Variants in CPLX2 observed in about 807,000 individuals in gnomAD.
CPLX2 encodes complexin-2.
CPLX2 carries 5 observed loss-of-function variants against 16.3 expected under a neutral mutation model. The ratio of observed to expected loss-of-function variants is 0.31; its 90% confidence interval spans 0.16 to 0.64. The LOEUF (loss-of-function observed/expected upper bound fraction) is 0.64. CPLX2 is among the 30% of genes least tolerant of loss of function. CPLX2 has a pLI of 0.79. For synonymous variants in CPLX2, 89 were observed against 73.2 expected (o/e 1.22, Z -1.10); for missense variants, 144 against 181.4 (o/e 0.79, Z 1.18).
chr5:175,822,393 C>G (rs1282176800), intron 2 of CPLX2, among the ~76,000 whole-genome samples: 2 of 152,180 alleles, frequency 1.3e-5, no homozygotes, highest in African/African-American at 4.8e-5. Context: ...ACTCTCTAAG[C>G]CTTCATTTCA....
chr5:175,820,787 T>C (rs1758492116), intron 2 of CPLX2, among the ~76,000 whole-genome samples: 1 of 152,164 alleles, frequency 6.6e-6, no homozygotes, highest in Non-Finnish European at 1.5e-5. Flanking sequence ...CTCCCTCCCT[T>C]CATGGAGTTT....
intron 2 of CPLX2, among the ~76,000 whole-genome samples, chr5:175,825,557 T>C (rs957554455): frequency 6.6e-6 from 1 of 152,162 alleles, no homozygotes; most frequent in African/African-American, 2.4e-5. Flanking sequence ...TGGGTTGTAG[T>C]TCAGGAAAAC....
intron 2 of CPLX2, among the ~76,000 whole-genome samples, chr5:175,847,670 A>C (rs1207180459): frequency 6.6e-6 from 1 of 151,874 alleles, no homozygotes; most frequent in African/African-American, 2.4e-5. Flanking sequence ...AGACTCAACA[A>C]CTCCTGCAGG....
chr5:175,799,995 A>T (rs1758063038), intron 1 of CPLX2, among the ~76,000 whole-genome samples: 1 of 152,000 alleles, frequency 6.6e-6, no homozygotes, highest in Non-Finnish European at 1.5e-5. Flanking sequence ...GCTTTTCTTA[A>T]CCAGATGCAT....
At chr5:175,848,057 C>A (rs763414094) in intron 2 of CPLX2, among the ~76,000 whole-genome samples, 1 of 152,216 alleles carries the variant, frequency 6.6e-6, no homozygotes, top group Non-Finnish European at 1.5e-5. Flanking sequence ...TAGACACAGC[C>A]CTGCCTCAAC....
At position 175,882,023 on chromosome 5, in the gene CPLX2, T is replaced by C. The variant is rs1024409141; in HGVS notation, c.*1978T>C. The C allele has an allele frequency of 1.3e-5, 2 of 152,556 alleles. No individual in the cohort carries two copies. The highest frequency in any genetic ancestry group is 2.9e-5 in the Non-Finnish European group (2 of 68,016). 9.5% of individuals were successfully genotyped at this position (152,556 alleles called of 1,614,324 possible). Reference sequence around the variant, plus strand: ...TTTAAACACGAGACAAAACAATCCATATGTTTAGGGAACCAGAAAAGTCCC... The same window carrying C: ...TTTAAACACGAGACAAAACAATCCACATGTTTAGGGAACCAGAAAAGTCCC... On this transcript the variant is annotated 3_prime_UTR_variant, in exon 4 of 4. Transcript: ENST00000393745.
At position 175,880,269 on chromosome 5, in the gene CPLX2, A is replaced by AG; in HGVS notation, c.*225dup. 1.5e-6 allele frequency: 1 copy of AG among 654,940 alleles called. No homozygotes were observed. The highest frequency in any genetic ancestry group is 2.8e-6 in the Non-Finnish European group (1 of 357,024). The allele number at this position is 654,940 out of a possible 1,614,324, so 40.6% of individuals were successfully genotyped here. A position where few individuals can be genotyped will look rare whatever the true frequency, so the allele number is the denominator to read the frequency against. On this transcript the variant is annotated 3_prime_UTR_variant, in exon 4 of 4. Transcript: ENST00000393745. ...CCAAGTAGCTTGAAAAAGGGAGGACAGTCTTTCCCCAGCAGGGGTCAGGGG... is the reference window on the plus strand; with the variant it reads ...CCAAGTAGCTTGAAAAAGGGAGGACAGGTCTTTCCCCAGCAGGGGTCAGGGG...
intron 2 of CPLX2, among the ~76,000 whole-genome samples, chr5:175,825,937 C>CAAAAAA (rs35250246): frequency 0.072 from 3,209 of 44,286 alleles, 352 homozygotes; most frequent in Non-Finnish European, 0.086. Flanking sequence ...TGAATAAGTG[C>CAAAAAA]AAAAAAAAAA....
chr5:175,799,570 A>ATG (rs1758054222), intron 1 of CPLX2, among the ~76,000 whole-genome samples: 1 of 144,446 alleles, frequency 6.9e-6, no homozygotes, highest in Non-Finnish European at 1.5e-5. Context: ...ATATATATAT[A>ATG]TATATAGTAA....
upstream of CPLX2, chr5:175,871,452 AG>A (rs1759604656): frequency 1.5e-5 from 2 of 132,370 alleles, no homozygotes; most frequent in African/African-American, 5.6e-5. Context: ...AGAGAGAGAG[AG>A]AGAGAGAGAG....
At chr5:175,857,836 C>T (rs543765458) in intron 2 of CPLX2, among the ~76,000 whole-genome samples, 2 of 152,294 alleles carry the variant, frequency 1.3e-5, no homozygotes, top group Admixed American at 6.5e-5. Flanking sequence ...ACCCAGTATT[C>T]CAGCTCAGAG....
Position 175,878,764 on chromosome 5 carries a change from C to T in CPLX2, c.25C>T (p.Leu9Phe), listed in dbSNP as rs761257195. The T allele has an allele frequency of 3.7e-6, 6 of 1,613,582 alleles. No individual in the cohort carries two copies. The highest frequency in any genetic ancestry group is 1.7e-5 in the Admixed American group (1 of 59,992). The part of the protein sequence containing the change: MDFVMKQA[L>F]GGATKDMGKM... ...CATGGACTTCGTCATGAAGCAGGCCCTTGGAGGTGAGGTCCAGCGCCCCTC... is the reference window on the plus strand; with the variant it reads ...CATGGACTTCGTCATGAAGCAGGCCTTTGGAGGTGAGGTCCAGCGCCCCTC... Residue 9 changes from leucine (L) to phenylalanine (F), a missense_variant, in exon 2 of 4, where the codon CTT (leucine) becomes TTT (phenylalanine). By Grantham distance (22) the Leu-to-Phe change is conservative (BLOSUM62 0). Transcript: ENST00000393745.
chr5:175,842,895 C>T (rs1309148757), intron 2 of CPLX2, among the ~76,000 whole-genome samples: 2 of 152,220 alleles, frequency 1.3e-5, no homozygotes, highest in Non-Finnish European at 2.9e-5. Flanking sequence ...GGGCCGGCAC[C>T]CATGCTCTGA....
At chr5:175,801,418 G>A (rs1327160748) in intron 1 of CPLX2, among the ~76,000 whole-genome samples, 1 of 152,212 alleles carries the variant, frequency 6.6e-6, no homozygotes, top group African/African-American at 2.4e-5. Context: ...GCTTCATGGA[G>A]GTGGGCAATG....
At chr5:175,829,118 G>A (rs534840689) in intron 2 of CPLX2, among the ~76,000 whole-genome samples, 3 of 152,322 alleles carry the variant, frequency 2.0e-5, no homozygotes, top group East Asian at 1.9e-4. Context: ...CCACTGAAGC[G>A]GATGCAGACC....
intron 2 of CPLX2, among the ~76,000 whole-genome samples, chr5:175,838,620 C>T: frequency 6.6e-6 from 1 of 152,138 alleles, no homozygotes. Flanking sequence ...TCACCCAAGC[C>T]TCAGAGCCAG....
intron 2 of CPLX2, among the ~76,000 whole-genome samples, chr5:175,819,214 G>A (rs148848657): frequency 4.3e-4 from 65 of 152,130 alleles, no homozygotes; most frequent in Admixed American, 1.2e-3. Context: ...ATTCTTGCAC[G>A]TGTCTTTGGA....
chr5:175,833,163 A>AG (rs1042723410), intron 2 of CPLX2, among the ~76,000 whole-genome samples: 1 of 152,110 alleles, frequency 6.6e-6, no homozygotes, highest in African/African-American at 2.4e-5. Flanking sequence ...TCTCAAAAAA[A>AG]AAAGAGAAAA....
upstream of CPLX2, among the ~76,000 whole-genome samples, chr5:175,868,783 A>G (rs1759525805): frequency 6.6e-6 from 1 of 151,948 alleles, no homozygotes; most frequent in Non-Finnish European, 1.5e-5. Context: ...AGCAAAAGTT[A>G]CATTTCCATA....
Sources: gnomAD v4.1 joint callset for allele counts (sites outside exome capture counted in the v4.1 genomes callset) on GRCh38, gnomAD v4.1.1 for gene constraint, MANE v1.5 for transcripts, NCBI Gene and HGNC (gene_info 2026-07-23, HGNC 2026-07-21) for gene names.